The following GCN1 variants were observed in gnomAD, a reference collection of about 807,000 sequenced individuals.
GCN1 encodes GCN1 activator of EIF2AK4.
Under a neutral mutation model 288.4 loss-of-function variants are expected in GCN1, and 90 were observed. The ratio of observed to expected loss-of-function variants is 0.31; its 90% CI spans 0.26 to 0.37. The LOEUF (loss-of-function observed/expected upper bound fraction) is 0.37. Among genes scored for constraint, GCN1 ranks in the 10% least tolerant of loss-of-function variants. GCN1 has a pLI of 1.00. For missense variants in GCN1, 2,586 were observed against 3,419.9 expected, an observed-to-expected ratio of 0.76 and a Z score of 6.08; for synonymous variants, 1,386 against 1,420.2, an observed-to-expected ratio of 0.98 and a Z score of 0.54.
intron 57 of GCN1, among the ~76,000 whole-genome samples, chr12:120,128,517 G>C (rs925644829): frequency 2.0e-5 from 3 of 151,734 alleles, no homozygotes; most frequent in African/African-American, 7.3e-5. Context: ...TGTATTTTTA[G>C]TAGAGACGGG....
At chr12:120,143,588 G>GAAAAA (rs398055996) in intron 42 of GCN1, among the ~76,000 whole-genome samples, 1 of 119,528 alleles carries the variant, frequency 8.4e-6, no homozygotes, top group African/African-American at 2.7e-5. Flanking sequence ...TCTCAAAAAG[G>GAAAAA]AAAAAAAAAA....
Position 120,158,684 on chromosome 12 carries a change from C to G in GCN1, c.2750-69G>C. ...ATGTGGAATCCAGCCCAGGCTAAAA[C>G]AGGGGACCCAGTGCCTCATCCTTCT... On this transcript the variant is annotated intron_variant, in intron 24 of 57. Transcript: ENST00000300648. The surrounding 1 kb of genome is among the most constrained non-coding windows in gnomAD (Gnocchi z 4.3). 7.5e-7 allele frequency: 1 copy of G among 1,328,766 alleles called. No homozygotes were observed. The highest frequency in any genetic ancestry group is 1.0e-6 in the Non-Finnish European group (1 of 969,174). 82.3% of individuals were successfully genotyped at this position (1,328,766 alleles called of 1,614,324 possible).
rs528511198 is a variant in GCN1 at position 120,137,439 on chromosome 12, C to T, written c.6663+106G>A. The T allele has an allele frequency of 1.6e-5, 23 of 1,426,912 alleles. No homozygotes were observed. Among genetic ancestry groups the T allele is most frequent in the South Asian group, 1.2e-4 (10 of 84,974 alleles). 88.4% of individuals were successfully genotyped at this position (1,426,912 alleles called of 1,614,324 possible). A position where few individuals can be genotyped will look rare whatever the true frequency, so the allele number is the denominator to read the frequency against. On this transcript the variant is annotated intron_variant, in intron 49 of 57. Coordinates refer to ENST00000300648, the MANE Select transcript of GCN1 (RefSeq NM_006836.2). This position sits in a 1 kb window ranked among gnomAD's most constrained non-coding sequence, Gnocchi z 5.2. ...AGACTTGCCACGAGTGGGTAAACGC[C>T]GAAGCTGAGTGACAGGTACGTGGGG...
chr12:120,141,360 G>A (rs554560911), intron 44 of GCN1, among the ~76,000 whole-genome samples: 2 of 152,276 alleles, frequency 1.3e-5, no homozygotes, highest in South Asian at 4.1e-4. Flanking sequence ...GGCTGAGCAG[G>A]AGCCGAATCT....
chr12:120,153,677 G>T lies in GCN1; in HGVS notation c.3867+67C>A. 2.0e-6 allele frequency: 3 copies of T among 1,478,868 alleles called. No homozygotes were observed. The highest frequency in any genetic ancestry group is 2.3e-5 in the East Asian group (1 of 44,216). The allele number at this position is 1,478,868 out of a possible 1,614,324, so 91.6% of individuals were successfully genotyped here. Reference sequence around the variant, plus strand: ...TGCTCAGCCCTAGCGCCTGCCTCCCGTGTCTCCTTAGCGGGCTGGGACCCC... The same window carrying T: ...TGCTCAGCCCTAGCGCCTGCCTCCCTTGTCTCCTTAGCGGGCTGGGACCCC... On this transcript the variant is annotated intron_variant, in intron 32 of 57. Coordinates refer to ENST00000300648, the MANE Select transcript of GCN1 (RefSeq NM_006836.2). The surrounding 1 kb of genome is among the most constrained non-coding windows in gnomAD (Gnocchi z 4.4).
rs975151068 is a variant in GCN1, at chr12:120,138,135, C to T, written c.6250-91G>A. On this transcript the variant is annotated intron_variant, in intron 47 of 57. Transcript: ENST00000300648. ...AGACGGGTGGGCAAGAGAGCCCAAG[C>T]CCACTGCTCAGAGCCAAGCATCTAC... is the stretch of plus-strand genomic sequence containing the variant. The T allele has an allele frequency of 7.3e-6, 9 of 1,236,234 alleles. No homozygotes were observed. The African/African-American group carries it at 1.2e-4, about 16-fold the overall frequency. The allele number at this position is 1,236,234 out of a possible 1,614,324, so 76.6% of individuals were successfully genotyped here.
chr12:120,178,726 T>G lies in GCN1; in HGVS notation c.559A>C (p.Ile187Leu). Reference sequence around the variant, plus strand: ...TTCTGGTTGGGCTCTAGGCTGAGAATGGCTGACAAGTACTGTTCCACCAGC... The same window carrying G: ...TTCTGGTTGGGCTCTAGGCTGAGAAGGGCTGACAAGTACTGTTCCACCAGC... The part of the protein sequence containing the change: ...PGLVEQYLSA[I>L]LSLEPNQNYA... The change falls in exon 7 of 58, where the codon ATT becomes CTT. Residue 187 changes from isoleucine (I) to leucine (L), a missense_variant. Coordinates refer to ENST00000300648, the MANE Select transcript of GCN1 (RefSeq NM_006836.2). 6.2e-7 allele frequency: 1 copy of G among 1,614,218 alleles called. No homozygotes were observed. The highest frequency in any genetic ancestry group is 8.5e-7 in the Non-Finnish European group (1 of 1,180,030).
At chr12:120,170,058 C>T in intron 15 of GCN1, 111 bp downstream of exon 15, 1 of 909,928 alleles carries the variant, frequency 1.1e-6, no homozygotes. Context: ...AAACCTGTGG[C>T]TGATCCAGTG....
chr12:120,153,718 G>A lies in GCN1; in HGVS notation c.3867+26C>T, dbSNP rs765761985. 4 of 1,609,018 alleles carry A rather than the reference G, an allele frequency of 2.5e-6. No individual in the cohort carries two copies. In the South Asian group the frequency reaches 3.3e-5, roughly 13 times the overall value. On this transcript the variant is annotated intron_variant, in intron 32 of 57. Transcript: ENST00000300648. The surrounding 1 kb of genome is among the most constrained non-coding windows in gnomAD (Gnocchi z 4.4). ...CTGGGACCCCCTTACCTTCCCGTGGGTGTTCCCTGGCTGGGACCCCCTTAC... is the reference window on the plus strand; with the variant it reads ...CTGGGACCCCCTTACCTTCCCGTGGATGTTCCCTGGCTGGGACCCCCTTAC...
At chr12:120,143,128 AACAT>A (rs1321687425) in intron 42 of GCN1, among the ~76,000 whole-genome samples, 187 bp from the exon 43 acceptor site, 2 of 152,234 alleles carry the variant, frequency 1.3e-5, no homozygotes, top group African/African-American at 4.8e-5. Context: ...TCTACTAATG[AACAT>A]ACATTAATGT....
chr12:120,133,423 G>A (rs1041947734), intron 53 of GCN1, among the ~76,000 whole-genome samples: 8 of 152,138 alleles, frequency 5.3e-5, no homozygotes, highest in Admixed American at 4.6e-4. Flanking sequence ...TGATGGAACT[G>A]GGACAGAACC....
chr12:120,151,260 G>T lies in GCN1; in HGVS notation c.4194C>A (p.Ala1398=), dbSNP rs2286045. The change falls in exon 34 of 58, where the codon GCC becomes GCA. Residue 1398 remains alanine (A), a synonymous_variant. Transcript: ENST00000300648. ...SDKYAERKGA[A]YGLAGLVKGL... ...CCTTCACCAGGCCCGCCAGGCCATA[G>T]GCGGCCCCTTTGCGCTCTGCGTACT... 3 of 1,614,024 alleles carry T rather than the reference G, an allele frequency of 1.9e-6. No homozygotes were observed. The highest frequency in any genetic ancestry group is 8.5e-7 in the Non-Finnish European group (1 of 1,180,020).
At chr12:120,187,314 G>A (rs1878852755) in intron 2 of GCN1, among the ~76,000 whole-genome samples, 2 of 151,584 alleles carry the variant, frequency 1.3e-5, no homozygotes, top group African/African-American at 4.9e-5. Flanking sequence ...CCAGGTTCAA[G>A]CGATTCTCCT....
rs369999620 is a variant in GCN1, at chr12:120,159,965, G to A, written c.2609C>T (p.Pro870Leu). 5.6e-6 allele frequency: 9 copies of A among 1,613,996 alleles called. No homozygotes were observed. Among genetic ancestry groups the A allele is most frequent in the African/African-American group, 2.7e-5 (2 of 74,912 alleles). Reference sequence around the variant, plus strand: ...AGGGATGTACTGGGTCAGGCCGGACGGGTTCTTGGCCAGGATGATGTCCAG... The same window carrying A: ...AGGGATGTACTGGGTCAGGCCGGACAGGTTCTTGGCCAGGATGATGTCCAG... The part of the protein sequence containing the change: ...GLLDIILAKN[P>L]SGLTQYIPVL... Residue 870 changes from proline (P) to leucine (L), a missense_variant, in exon 24 of 58, where the codon CCG becomes CTG. This residue lies in a region of GCN1 where 913 missense variants were observed against 1,107.0 expected (regional missense o/e 0.82). Coordinates refer to ENST00000300648, the MANE Select transcript of GCN1 (RefSeq NM_006836.2).
chr12:120,157,097 C>T, intron 26 of GCN1, 105 bp from the exon 27 acceptor site: 1 of 717,518 alleles, frequency 1.4e-6, no homozygotes, highest in Admixed American at 2.1e-5. Flanking sequence ...CATTCTGGAT[C>T]ATACAACCGG....
At chr12:120,147,912 T>C (rs1251195921) in intron 37 of GCN1, among the ~76,000 whole-genome samples, 1 of 152,208 alleles carries the variant, frequency 6.6e-6, no homozygotes, top group African/African-American at 2.4e-5. Flanking sequence ...TCACAGGTCC[T>C]AACATTTTGA....
intron 16 of GCN1, among the ~76,000 whole-genome samples, chr12:120,166,329 G>A (rs751370431): frequency 2.0e-5 from 3 of 150,098 alleles, no homozygotes; most frequent in Non-Finnish European, 3.0e-5. Flanking sequence ...GCTTGAACCC[G>A]GGAGGTGGAG....
Position 120,134,246 on chromosome 12 carries a change from A to AGTGG in GCN1, c.7317+44_7317+45insCCAC. 1 of 1,314,050 alleles carries AGTGG rather than the reference A, an allele frequency of 7.6e-7. No individual in the cohort carries two copies. The highest frequency in any genetic ancestry group is 1.1e-6 in the Non-Finnish European group (1 of 907,786). The allele number at this position is 1,314,050 out of a possible 1,614,324, so 81.4% of individuals were successfully genotyped here. On this transcript the variant is annotated intron_variant, in intron 53 of 57. Coordinates refer to ENST00000300648, the MANE Select transcript of GCN1 (RefSeq NM_006836.2). This position sits in a 1 kb window ranked among gnomAD's most constrained non-coding sequence, Gnocchi z 5.0. ...GAACTCAACCTAAGGAGGAGGAGGG[A>AGTGG]AACCAGTGGTCCAGTGCTGCCACTA...
At position 120,153,468 on chromosome 12, in the gene GCN1, A is replaced by G; in HGVS notation, c.3868-61T>C. 2 of 1,454,192 alleles carry G rather than the reference A, an allele frequency of 1.4e-6. No homozygotes were observed. Among genetic ancestry groups the G allele is most frequent in the East Asian group, 4.6e-5 (2 of 43,544 alleles). 90.1% of individuals were successfully genotyped at this position (1,454,192 alleles called of 1,614,324 possible). A position where few individuals can be genotyped will look rare whatever the true frequency, so the allele number is the denominator to read the frequency against. The stretch of plus-strand genomic sequence containing the variant: ...CCTACAGGCTGCATCTGGGGACAAC[A>G]GTCCCTGCCCTGAGGACCAAGACCA... On this transcript the variant is annotated intron_variant, in intron 32 of 57. Transcript: ENST00000300648. This position sits in a 1 kb window ranked among gnomAD's most constrained non-coding sequence, Gnocchi z 4.4.
Sources: gnomAD v4.1 joint callset for allele counts (sites outside exome capture counted in the v4.1 genomes callset) on GRCh38, gnomAD v4.1.1 for gene constraint, gnomAD v4.1.1 regional missense constraint, Gnocchi (gnomAD v3.1) non-coding constraint, MANE v1.5 for transcripts, NCBI Gene and HGNC (gene_info 2026-07-23, HGNC 2026-07-21) for gene names.